SPESP1: variants seen among roughly 807,000 people sequenced by gnomAD.
SPESP1 encodes the protein equatorial segment protein.
Under a neutral mutation model 3.1 loss-of-function variants are expected in SPESP1, and 1 was observed. That is an observed-to-expected ratio of 0.33 (90% CI 0.12 to 1.54). The LOEUF (loss-of-function observed/expected upper bound fraction) is 1.54, where lower values mean the gene tolerates loss of function less well. Among genes scored for constraint, SPESP1 ranks in the 40% most tolerant of loss-of-function variants. The probability of loss-of-function intolerance (pLI) is 0.38; values close to 1 mark genes in which losing one functional copy is unlikely to be tolerated. For synonymous variants in SPESP1, 138 were observed against 150.7 expected (o/e 0.92, Z 0.62); for missense variants, 398 against 410.1 (o/e 0.97, Z 0.26).
chr15:68,946,603 T>A lies in SPESP1; in HGVS notation c.*16T>A. 1 of 1,428,624 alleles carries A rather than the reference T, an allele frequency of 7.0e-7. No individual in the cohort carries two copies. The highest frequency in any genetic ancestry group is 9.1e-7 in the Non-Finnish European group (1 of 1,094,342). The allele number at this position is 1,428,624 out of a possible 1,614,324, so 88.5% of individuals were successfully genotyped here. On this transcript the variant is annotated 3_prime_UTR_variant, in exon 2 of 2. Transcript: ENST00000310673. ...AGTTTATTAAACAATAATATAAAAA[T>A]TTTAAACCTACTTGATATTCCATAA... is the stretch of plus-strand genomic sequence containing the variant.
chr15:68,945,084 T>C (rs1895925612), intron 1 of SPESP1, among the ~76,000 whole-genome samples: 1 of 152,158 alleles, frequency 6.6e-6, no homozygotes, highest in African/African-American at 2.4e-5. Flanking sequence ...AATAGTAAAA[T>C]AATTAGAAAG....
Position 68,945,829 on chromosome 15 carries a change from A to G in SPESP1, c.295A>G (p.Thr99Ala), listed in dbSNP as rs768791347. 25 of 1,614,014 alleles carry G rather than the reference A, an allele frequency of 1.5e-5. 1 individual carries two copies. In the South Asian group the frequency reaches 2.6e-4, roughly 17 times the overall value. The change falls in exon 2 of 2, where the codon ACA becomes GCA. Residue 99 changes from threonine to alanine, a missense_variant. Transcript: ENST00000310673. ...VLTNPISEET[T>A]TFPTGGFTPE... Reference sequence around the variant, plus strand: ...AACCAATCCTATCAGTGAAGAAACTACAACTTTCCCTACAGGAGGCTTCAC... The same window carrying G: ...AACCAATCCTATCAGTGAAGAAACTGCAACTTTCCCTACAGGAGGCTTCAC...
chr15:68,940,085 T>G (rs1194361625), intron 1 of SPESP1, among the ~76,000 whole-genome samples: 7 of 152,172 alleles, frequency 4.6e-5, no homozygotes, highest in Admixed American at 3.9e-4. Flanking sequence ...TTACATAATC[T>G]CCACATATTT....
intron 1 of SPESP1, among the ~76,000 whole-genome samples, chr15:68,943,899 C>T (rs1211614689): frequency 6.6e-6 from 1 of 151,688 alleles, no homozygotes; most frequent in African/African-American, 2.4e-5. Context: ...AAACGTCGAT[C>T]TGGTCTTTCT....
At position 68,930,621 on chromosome 15, in the gene SPESP1, C is replaced by T. The variant is rs752653724; in HGVS notation, c.-33C>T. ...CCAGCCTGGTGGCCCCAGGACGTTC[C>T]GGTCGCATGGCAGAGTGCTACGGAC... On this transcript the variant is annotated 5_prime_UTR_variant, in exon 1 of 2. Coordinates refer to ENST00000310673, the MANE Select transcript of SPESP1 (RefSeq NM_145658.4). 9.9e-6 allele frequency: 16 copies of T among 1,612,988 alleles called. No individual in the cohort carries two copies. The highest frequency in any genetic ancestry group is 1.7e-5 in the Admixed American group (1 of 59,970).
intron 1 of SPESP1, among the ~76,000 whole-genome samples, chr15:68,940,040 C>G (rs759209135): frequency 6.6e-6 from 1 of 152,048 alleles, no homozygotes; most frequent in South Asian, 2.1e-4. Flanking sequence ...CATTTTATTA[C>G]GGAAAAATTT....
intron 1 of SPESP1, among the ~76,000 whole-genome samples, chr15:68,935,058 C>CAA (rs575951978): frequency 1.0e-3 from 153 of 152,108 alleles, no homozygotes; most frequent in Non-Finnish European, 1.4e-3. Context: ...TATGAGAGAC[C>CAA]AAAGTGCCTG....
At chr15:68,938,019 C>G (rs556551205) in intron 1 of SPESP1, among the ~76,000 whole-genome samples, 1 of 152,014 alleles carries the variant, frequency 6.6e-6, no homozygotes, top group African/African-American at 2.4e-5. Context: ...TCACTCTTGT[C>G]CCCCAGGCTG....
chr15:68,936,659 T>C (rs1471806097), intron 1 of SPESP1, among the ~76,000 whole-genome samples: 1 of 152,192 alleles, frequency 6.6e-6, no homozygotes, highest in Non-Finnish European at 1.5e-5. Flanking sequence ...CTGAAAACCA[T>C]TGAATTTCAT....
chr15:68,940,698 A>G (rs563851476), intron 1 of SPESP1, among the ~76,000 whole-genome samples: 13 of 147,626 alleles, frequency 8.8e-5, no homozygotes, highest in African/African-American at 2.7e-4. Context: ...TTATTGTCCT[A>G]TATATTTTCT....
intron 1 of SPESP1, among the ~76,000 whole-genome samples, chr15:68,933,331 C>T (rs777197709): frequency 2.0e-5 from 3 of 151,396 alleles, no homozygotes; most frequent in Admixed American, 6.6e-5. Flanking sequence ...ATACAGAAGT[C>T]GGCACTCCTT....
chr15:68,933,572 G>A (rs117214776), intron 1 of SPESP1, among the ~76,000 whole-genome samples: 2 of 150,740 alleles, frequency 1.3e-5, no homozygotes, highest in Non-Finnish European at 1.5e-5. Context: ...AAAAAAAAAT[G>A]CACAGGCCGG....
rs779928972 is a variant in SPESP1 at position 68,946,161 on chromosome 15, A to G, written c.627A>G (p.Glu209=). Residue 209 remains glutamate, a synonymous_variant, in exon 2 of 2, where the codon GAA becomes GAG. Transcript: ENST00000310673. ...AGCTCTCAGGTGAAACTGCGATAGA[A>G]AAACCCGAAGAGTTTGGAAAGCACC... ...VPQLSGETAI[E]KPEEFGKHPE... The G allele has an allele frequency of 6.2e-7, 1 of 1,614,216 alleles. No individual in the cohort carries two copies. Among genetic ancestry groups the G allele is most frequent in the Non-Finnish European group, 8.5e-7 (1 of 1,180,050 alleles).
At chr15:68,942,789 A>G (rs1895860754) in intron 1 of SPESP1, among the ~76,000 whole-genome samples, 1 of 152,186 alleles carries the variant, frequency 6.6e-6, no homozygotes, top group African/African-American at 2.4e-5. Context: ...AGATAAGTTA[A>G]ATAATTACCT....
In SPESP1 at chr15:68,946,616, T is replaced by G. The variant is rs749911293; in HGVS notation, c.*29T>G. 7.1e-7 allele frequency: 1 copy of G among 1,415,526 alleles called. No homozygotes were observed. Among genetic ancestry groups the G allele is most frequent in the Non-Finnish European group, 9.2e-7 (1 of 1,088,152 alleles). The allele number at this position is 1,415,526 out of a possible 1,614,324, so 87.7% of individuals were successfully genotyped here. Reference sequence around the variant, plus strand: ...ATAATATAAAAATTTTAAACCTACTTGATATTCCATAACAAAGCTGATTTA... The same window carrying G: ...ATAATATAAAAATTTTAAACCTACTGGATATTCCATAACAAAGCTGATTTA... On this transcript the variant is annotated 3_prime_UTR_variant, in exon 2 of 2. Coordinates refer to ENST00000310673, the MANE Select transcript of SPESP1 (RefSeq NM_145658.4).
chr15:68,938,540 T>G (rs528879960), intron 1 of SPESP1, among the ~76,000 whole-genome samples: 1 of 152,360 alleles, frequency 6.6e-6, no homozygotes, highest in South Asian at 2.1e-4. Context: ...TTTAATTTAA[T>G]TTTAATATTT....
chr15:68,936,161 G>A (rs1895675963), intron 1 of SPESP1, among the ~76,000 whole-genome samples: 1 of 152,166 alleles, frequency 6.6e-6, no homozygotes, highest in South Asian at 2.1e-4. Context: ...TTGGGTATAT[G>A]TTTAAGTTTT....
chr15:68,931,532 T>G (rs1338808020), intron 1 of SPESP1, among the ~76,000 whole-genome samples: 1 of 152,104 alleles, frequency 6.6e-6, no homozygotes, highest in African/African-American at 2.4e-5. Flanking sequence ...ACGGTAAAAT[T>G]TGGAGAGCAT....
chr15:68,941,750 A>C (rs898877428), intron 1 of SPESP1, among the ~76,000 whole-genome samples: 5 of 152,204 alleles, frequency 3.3e-5, no homozygotes, highest in Admixed American at 3.3e-4. Context: ...TTCTTAAGGT[A>C]ATATTTACAG....
Sources: allele counts gnomAD v4.1 joint callset (sites outside exome capture counted in the v4.1 genomes callset), GRCh38; gene constraint gnomAD v4.1.1; transcripts MANE v1.5; gene names NCBI Gene and HGNC (gene_info 2026-07-23, HGNC 2026-07-21).